The following CDH12 variants were observed in gnomAD, a reference collection of about 807,000 sequenced individuals.
The protein encoded by CDH12 is cadherin 12, also known as cadherin-12.
Under a neutral mutation model 74.1 loss-of-function variants are expected in CDH12, and 41 were observed. The ratio of observed to expected loss-of-function variants is 0.55; its 90% CI spans 0.43 to 0.72. CDH12 has a LOEUF of 0.72. CDH12 is among the 30% of genes least tolerant of loss of function. CDH12 has a pLI of 0.00. For synonymous variants in CDH12, 399 were observed against 355.0 expected (o/e 1.12, Z -1.39); for missense variants, 945 against 977.2 (o/e 0.97, Z 0.44).
At chr5:21,934,079 TAC>T (rs1754964884) in intron 6 of CDH12, among the ~76,000 whole-genome samples, 1 of 152,172 alleles carries the variant, frequency 6.6e-6, no homozygotes, top group Non-Finnish European at 1.5e-5. Flanking sequence ...ATTCAATTTT[TAC>T]AGACTTACAG....
At chr5:22,302,499 T>G (rs1328798470) in intron 3 of CDH12, among the ~76,000 whole-genome samples, 1 of 152,142 alleles carries the variant, frequency 6.6e-6, no homozygotes, top group Non-Finnish European at 1.5e-5. Context: ...TAGGTTGAAT[T>G]TAAACCGCTT....
At chr5:22,538,264 A>T (rs530961326) in intron 1 of CDH12, among the ~76,000 whole-genome samples, 85 of 151,846 alleles carry the variant, frequency 5.6e-4, no homozygotes, top group African/African-American at 2.0e-3. Context: ...CAGCCAATCT[A>T]CTCCCTCTGG....
intron 7 of CDH12, among the ~76,000 whole-genome samples, chr5:21,846,533 T>A (rs1750179835): frequency 6.6e-6 from 1 of 152,142 alleles, no homozygotes; most frequent in African/African-American, 2.4e-5. Context: ...CCATAATTTT[T>A]TAGTTCACTG....
At chr5:22,546,939 T>C (rs975860882) in intron 1 of CDH12, among the ~76,000 whole-genome samples, 2 of 152,186 alleles carry the variant, frequency 1.3e-5, no homozygotes, top group Admixed American at 6.5e-5. Context: ...TGGTATTTCA[T>C]CTGCAATAGG....
chr5:22,836,767 G>A, intron 1 of CDH12, among the ~76,000 whole-genome samples: 1 of 152,086 alleles, frequency 6.6e-6, no homozygotes, highest in East Asian at 1.9e-4. Flanking sequence ...AAAACTAAGG[G>A]TAACCATGTA....
intron 5 of CDH12, among the ~76,000 whole-genome samples, chr5:21,996,169 G>A (rs370723365): frequency 9.3e-5 from 12 of 129,196 alleles, no homozygotes; most frequent in East Asian, 4.7e-4. Context: ...TGTCTTTCTC[G>A]TACTAGAACT....
chr5:22,036,389 A>G (rs542977451), intron 5 of CDH12, among the ~76,000 whole-genome samples: 2 of 152,330 alleles, frequency 1.3e-5, no homozygotes, highest in East Asian at 1.9e-4. Context: ...TAATGACAAC[A>G]TGATGAGATA....
chr5:21,818,943 G>T (rs1561211581), intron 8 of CDH12, among the ~76,000 whole-genome samples: 1 of 151,966 alleles, frequency 6.6e-6, no homozygotes, highest in African/African-American at 2.4e-5. Context: ...ATTTCTCATA[G>T]GGTAGGATTA....
rs947518286 is a variant in CDH12 at position 21,880,637 on chromosome 5, T to C, written c.527-25847A>G. Among the ~76,000 whole-genome samples the C allele has an allele frequency of 1.7e-4, 18 of 107,648 alleles. No individual in the cohort carries two copies. The South Asian group carries it at 1.8e-3, about 10-fold the overall frequency. 70.6% of individuals were successfully genotyped at this position (107,648 alleles called of 152,430 possible). Reference sequence around the variant, plus strand: ...CTTCCTTCTTTCTTTCTTTCTTTCTTTCTTTCTTTCTTTCTTTCTTTCTTT... The same window carrying C: ...CTTCCTTCTTTCTTTCTTTCTTTCTCTCTTTCTTTCTTTCTTTCTTTCTTT... On this transcript the variant is annotated intron_variant, in intron 6 of 14. Coordinates refer to ENST00000382254, the MANE Select transcript of CDH12 (RefSeq NM_004061.5).
chr5:22,780,784 T>C (rs747194877), intron 1 of CDH12, among the ~76,000 whole-genome samples: 1 of 152,150 alleles, frequency 6.6e-6, no homozygotes, highest in Non-Finnish European at 1.5e-5. Context: ...CTCTCTTTTT[T>C]TTAAGTGTGA....
chr5:22,438,408 T>G (rs1318089480), intron 2 of CDH12, among the ~76,000 whole-genome samples: 2 of 152,052 alleles, frequency 1.3e-5, no homozygotes, highest in East Asian at 3.9e-4. Context: ...ATGAAGATAT[T>G]GAAGCTCACA....
At chr5:22,723,291 T>G (rs756006511) in intron 1 of CDH12, among the ~76,000 whole-genome samples, 1 of 152,130 alleles carries the variant, frequency 6.6e-6, no homozygotes, top group Non-Finnish European at 1.5e-5. Flanking sequence ...ACCATGTCAG[T>G]TTTACACAAA....
At chr5:22,844,981 G>T (rs185338826) in intron 1 of CDH12, among the ~76,000 whole-genome samples, 1 of 152,076 alleles carries the variant, frequency 6.6e-6, no homozygotes, top group Non-Finnish European at 1.5e-5. Context: ...CTGAATCTTA[G>T]AGCCAATTAA....
At chr5:22,525,466 G>A (rs1561467762) in intron 1 of CDH12, among the ~76,000 whole-genome samples, 1 of 146,918 alleles carries the variant, frequency 6.8e-6, no homozygotes, top group Non-Finnish European at 1.5e-5. Context: ...GCTTTCTGGA[G>A]AGAGAGAGCA....
At chr5:22,414,583 C>T (rs1454590025) in intron 2 of CDH12, among the ~76,000 whole-genome samples, 1 of 151,716 alleles carries the variant, frequency 6.6e-6, no homozygotes. Context: ...TTAATTTTTC[C>T]TTGTACTCAT....
At chr5:21,951,739 A>T (rs1191896431) in intron 6 of CDH12, among the ~76,000 whole-genome samples, 2 of 152,232 alleles carry the variant, frequency 1.3e-5, no homozygotes, top group African/African-American at 4.8e-5. Context: ...ACAATGGAAG[A>T]AAGTACTTCA....
At chr5:22,408,374 T>G (rs1743027886) in intron 2 of CDH12, among the ~76,000 whole-genome samples, 1 of 151,800 alleles carries the variant, frequency 6.6e-6, no homozygotes, top group African/African-American at 2.4e-5. Flanking sequence ...TCTCTGTCCT[T>G]TTTTTCAAAA....
At chr5:22,318,885 A>G (rs2150435369) in intron 3 of CDH12, among the ~76,000 whole-genome samples, 1 of 152,324 alleles carries the variant, frequency 6.6e-6, no homozygotes, top group Non-Finnish European at 1.5e-5. Flanking sequence ...GGTAGGGGAA[A>G]AAAAAACAGT....
chr5:22,346,454 T>G (rs576245871), intron 3 of CDH12, among the ~76,000 whole-genome samples: 2 of 152,136 alleles, frequency 1.3e-5, no homozygotes, highest in East Asian at 3.9e-4. Flanking sequence ...ACAAATCACA[T>G]CATTGTCTTC....
Sources: gnomAD v4.1 joint callset for allele counts (sites outside exome capture counted in the v4.1 genomes callset) on GRCh38, gnomAD v4.1.1 for gene constraint, MANE v1.5 for transcripts, NCBI Gene and HGNC (gene_info 2026-07-23, HGNC 2026-07-21) for gene names.